Variants in C11orf91 observed in about 807,000 individuals in gnomAD.
The protein encoded by C11orf91 is chromosome 11 open reading frame 91.
In C11orf91, 10 loss-of-function variants were observed where a neutral mutation model predicts 14.3. The observed-to-expected ratio is 0.70, with a 90% confidence interval of 0.43 to 1.18. The LOEUF (loss-of-function observed/expected upper bound fraction) is 1.18, where lower values mean the gene tolerates loss of function less well. Among genes scored for constraint, C11orf91 ranks in the 50% most tolerant of loss-of-function variants. C11orf91 has a pLI of 0.00. For synonymous variants in C11orf91, 141 were observed against 130.6 expected (o/e 1.08, Z -0.54); for missense variants, 236 against 269.0 (o/e 0.88, Z 0.86).
chr11:33,702,679 A>T (rs1420281665), upstream of C11orf91: 1 of 339,380 alleles, frequency 2.9e-6, no homozygotes, highest in African/African-American at 2.2e-5. Flanking sequence ...TGCGTAATAA[A>T]CTTTGTCTTC....
chr11:33,701,440 C>G (rs898555152), upstream of C11orf91, among the ~76,000 whole-genome samples: 1 of 152,210 alleles, frequency 6.6e-6, no homozygotes, highest in African/African-American at 2.4e-5. Flanking sequence ...AGTTCTCTTC[C>G]AAACACAGAT....
chr11:33,700,311 G>A lies in C11orf91; in HGVS notation c.430C>T (p.Leu144=). Residue 144 remains leucine (L), a synonymous_variant, in exon 1 of 2, where the codon CTG becomes TTG. Coordinates refer to ENST00000379011, the MANE Select transcript of C11orf91 (RefSeq NM_001166692.2). Reference sequence around the variant, plus strand: ...TCCAGCTCCTTAATCCGGATCTCCAGCTCGCAGAGCTCCTCCGGGTGGGAG... The same window carrying A: ...TCCAGCTCCTTAATCCGGATCTCCAACTCGCAGAGCTCCTCCGGGTGGGAG... ...SASHPEELCE[L]EIRIKELELL... The A allele has an allele frequency of 6.5e-7, 1 of 1,535,374 alleles. No individual in the cohort carries two copies. Among genetic ancestry groups the A allele is most frequent in the African/African-American group, 1.4e-5 (1 of 73,140 alleles).
At position 33,698,265 on chromosome 11, in the gene C11orf91, C is replaced by A; in HGVS notation, c.*164G>T. On this transcript the variant is annotated 3_prime_UTR_variant, in exon 2 of 2. Transcript: ENST00000379011. ...GAGAGGAGAGAGACCATGAGATTTA[C>A]CACACAAAGTGGGCACTGTATGTGA... 1.7e-6 allele frequency: 1 copy of A among 598,334 alleles called. No homozygotes were observed. The allele number at this position is 598,334 out of a possible 1,614,324, so 37.1% of individuals were successfully genotyped here. A position where few individuals can be genotyped will look rare whatever the true frequency, so the allele number is the denominator to read the frequency against.
chr11:33,706,248 G>T, the C11orf91 span: 1 of 151,866 alleles, frequency 6.6e-6, no homozygotes, highest in African/African-American at 2.4e-5. Flanking sequence ...CAGAATAACA[G>T]GAGTGTGTAT....
intron 1 of C11orf91, 139 bp from the exon 2 acceptor site, chr11:33,698,653 CA>C: frequency 1.6e-6 from 1 of 620,322 alleles, no homozygotes; most frequent in Non-Finnish European, 2.8e-6. Context: ...GAGAAAAAAA[CA>C]AAAAACTGAA....
intron 1 of C11orf91, among the ~76,000 whole-genome samples, chr11:33,698,822 C>A (rs993550367): frequency 7.2e-6 from 1 of 139,604 alleles, no homozygotes; most frequent in Non-Finnish European, 1.5e-5. Flanking sequence ...ACTCTTTCAC[C>A]CAGGTTGGAG....
upstream of C11orf91, among the ~76,000 whole-genome samples, chr11:33,701,702 A>C (rs1395438966): frequency 3.9e-5 from 6 of 151,942 alleles, no homozygotes; most frequent in Non-Finnish European, 8.8e-5. Context: ...AGTCAGTATC[A>C]GCTTCACAAG....
chr11:33,699,899 G>A (rs1853091997), intron 1 of C11orf91, among the ~76,000 whole-genome samples: 1 of 152,184 alleles, frequency 6.6e-6, no homozygotes, highest in Non-Finnish European at 1.5e-5. Context: ...GAGCTCCAGA[G>A]TACAGGGTAG....
chr11:33,701,660 TA>T (rs1235286302), upstream of C11orf91, among the ~76,000 whole-genome samples: 16 of 152,190 alleles, frequency 1.1e-4, no homozygotes, highest in Middle Eastern at 0.014. Context: ...TGATCACTGG[TA>T]TGACTAGTGA....
In C11orf91 at chr11:33,700,533, G is replaced by T; in HGVS notation, c.208C>A (p.Pro70Thr). 1.5e-6 allele frequency: 2 copies of T among 1,356,012 alleles called. No individual in the cohort carries two copies. Among genetic ancestry groups the T allele is most frequent in the South Asian group, 1.9e-5 (1 of 53,320 alleles). 84.0% of individuals were successfully genotyped at this position (1,356,012 alleles called of 1,614,324 possible). A position where few individuals can be genotyped will look rare whatever the true frequency, so the allele number is the denominator to read the frequency against. ...AGARSLSQAL[P>T]APAPPPPPPP... ...GGCGGGGGCGGGGGCGCCGGGGCGG[G>T]GAGCGCCTGGGACAGGGACCGGGCC... The change falls in exon 1 of 2, where the codon CCC becomes ACC. Residue 70 changes from proline (P) to threonine (T), a missense_variant. Pro to Thr is a conservative substitution (Grantham distance 38, BLOSUM62 -1). Coordinates refer to ENST00000379011, the MANE Select transcript of C11orf91 (RefSeq NM_001166692.2).
In C11orf91 at chr11:33,700,550, G is replaced by C; in HGVS notation, c.191C>G (p.Ser64Cys). The change falls in exon 1 of 2, where the codon TCC becomes TGC. Residue 64 changes from serine to cysteine, a missense_variant. Coordinates refer to ENST00000379011, the MANE Select transcript of C11orf91 (RefSeq NM_001166692.2). ...APVGGAAGAR[S>C]LSQALPAPAP... ...CGGGGCGGGGAGCGCCTGGGACAGG[G>C]ACCGGGCCCCCGCCGCCCCGCCCAC... is the stretch of plus-strand genomic sequence containing the variant. 7.0e-7 allele frequency: 1 copy of C among 1,436,180 alleles called. No homozygotes were observed. Among genetic ancestry groups the C allele is most frequent in the East Asian group, 3.0e-5 (1 of 33,026 alleles). The allele number at this position is 1,436,180 out of a possible 1,614,324, so 89.0% of individuals were successfully genotyped here. A position where few individuals can be genotyped will look rare whatever the true frequency, so the allele number is the denominator to read the frequency against.
chr11:33,702,124 G>A (rs75930449), upstream of C11orf91, among the ~76,000 whole-genome samples: 264 of 152,276 alleles, frequency 1.7e-3, 9 homozygotes, highest in East Asian at 0.047. Flanking sequence ...ACTAGGCTGA[G>A]GCTCTCAAGA....
Position 33,700,580 on chromosome 11 carries a change from G to A in C11orf91, c.161C>T (p.Ala54Val), listed in dbSNP as rs1032695913. 7 of 1,455,638 alleles carry A rather than the reference G, an allele frequency of 4.8e-6. No individual in the cohort carries two copies. Among genetic ancestry groups the A allele is most frequent in the African/African-American group, 4.4e-5 (3 of 68,292 alleles). The allele number at this position is 1,455,638 out of a possible 1,614,324, so 90.2% of individuals were successfully genotyped here. ...KLFVPLKAGG[A>V]PVGGAAGARS... ...GGCCCCCGCCGCCCCGCCCACTGGC[G>A]CCCCGCCCGCCTTCAGCGGCACGAA... Residue 54 changes from alanine to valine, a missense_variant, in exon 1 of 2, where the codon GCG (alanine) becomes GTG (valine). Transcript: ENST00000379011.
At chr11:33,701,084 A>ACAGG (rs1853119167), upstream of C11orf91, among the ~76,000 whole-genome samples, 1 of 152,186 alleles carries the variant, frequency 6.6e-6, no homozygotes, top group Non-Finnish European at 1.5e-5. Context: ...CTCATCCAGA[A>ACAGG]CAGGCAGCGG....
chr11:33,700,177 G>A (rs990152224), intron 1 of C11orf91, 68 bp downstream of exon 1: 68 of 1,462,380 alleles, frequency 4.6e-5, no homozygotes, highest in Middle Eastern at 1.8e-4. Context: ...TCGGGTCGGG[G>A]CACGGAGCCA....
intron 1 of C11orf91, among the ~76,000 whole-genome samples, chr11:33,698,939 C>A (rs1215652095): frequency 2.0e-5 from 3 of 151,856 alleles, no homozygotes; most frequent in African/African-American, 7.3e-5. Context: ...TGCCACCAAG[C>A]CCGGCTCATT....
At chr11:33,698,883 C>T (rs975031866) in intron 1 of C11orf91, among the ~76,000 whole-genome samples, 21 of 146,612 alleles carry the variant, frequency 1.4e-4, no homozygotes, top group African/African-American at 4.5e-4. Context: ...TGGGTTCAAG[C>T]GATTCTCCTG....
chr11:33,703,021 A>G (rs1853158711), upstream of C11orf91: 1 of 152,292 alleles, frequency 6.6e-6, no homozygotes, highest in Non-Finnish European at 1.5e-5. Flanking sequence ...TAGAAGGAAA[A>G]GAGATTTTGC....
In C11orf91 at chr11:33,700,711, G is replaced by C; in HGVS notation, c.30C>G (p.Ser10Arg). ...GAGCCGACCGCTGGCTCATGGTGGGGCTGTGGCTGCCGCGCCGCCCCTTTG... is the reference window on the plus strand; with the variant it reads ...GAGCCGACCGCTGGCTCATGGTGGGCCTGTGGCTGCCGCGCCGCCCCTTTG... MPKGRRGSHSPTMSQRSAPP... is the reference protein window; with the variant it reads MPKGRRGSHRPTMSQRSAPP... The change falls in exon 1 of 2, where the codon AGC becomes AGG. Residue 10 changes from serine to arginine, a missense_variant. By Grantham distance (110) the Ser-to-Arg change is moderately radical. Transcript: ENST00000379011. 2 of 1,393,588 alleles carry C rather than the reference G, an allele frequency of 1.4e-6. No homozygotes were observed. The highest frequency in any genetic ancestry group is 1.9e-6 in the Non-Finnish European group (2 of 1,071,022). 86.3% of individuals were successfully genotyped at this position (1,393,588 alleles called of 1,614,324 possible).
Sources: allele counts gnomAD v4.1 joint callset (sites outside exome capture counted in the v4.1 genomes callset), GRCh38; gene constraint gnomAD v4.1.1; transcripts MANE v1.5; gene names NCBI Gene and HGNC (gene_info 2026-07-23, HGNC 2026-07-21).